The following SUSD4 variants were observed in gnomAD, a reference collection of about 807,000 sequenced individuals.
SUSD4 encodes sushi domain containing 4.
SUSD4 carries 41 observed loss-of-function variants against 50.5 expected under a neutral mutation model. That is an observed-to-expected ratio of 0.81 (90% confidence interval 0.63 to 1.05). The LOEUF (loss-of-function observed/expected upper bound fraction) is 1.05. SUSD4 is among the 50% of genes least tolerant of loss of function. The pLI is 0.00. For missense variants in SUSD4, 580 were observed against 634.7 expected, an observed-to-expected ratio of 0.91 and a Z score of 0.93; for synonymous variants, 257 against 257.3, an observed-to-expected ratio of 1.00 and a Z score of 0.01.
intron 5 of SUSD4, chr1:223,263,677 G>T (rs1320953734): frequency 1.0e-6 from 1 of 985,242 alleles, no homozygotes; most frequent in Non-Finnish European, 1.2e-6. Context: ...CATCCCTAGA[G>T]AGGCCGTCTC....
intron 5 of SUSD4, among the ~76,000 whole-genome samples, chr1:223,230,927 C>T (rs1553279785): frequency 6.6e-6 from 1 of 152,138 alleles, no homozygotes; most frequent in Non-Finnish European, 1.5e-5. Flanking sequence ...AGCTGACAAA[C>T]TGTGATTATT....
chr1:223,233,331 TG>T lies in SUSD4; in HGVS notation c.725-3944del, dbSNP rs1660012138. 4.6e-5 allele frequency among the ~76,000 whole-genome samples: 7 copies of T among 152,056 alleles called. No individual in the cohort carries two copies. In the South Asian group the frequency reaches 1.5e-3, roughly 32 times the overall value. On this transcript the variant is annotated intron_variant, in intron 5 of 8. Coordinates refer to ENST00000366878, the MANE Select transcript of SUSD4 (RefSeq NM_017982.4). ...CATGTGGTGTGGTGAGGGTAGGGGGTGGGAGCGTTTCTTTTAACTTGGAAGG... is the reference window on the plus strand; with the variant it reads ...CATGTGGTGTGGTGAGGGTAGGGGGTGGAGCGTTTCTTTTAACTTGGAAGG...
intron 3 of SUSD4, among the ~76,000 whole-genome samples, chr1:223,285,080 A>T (rs528372392): frequency 2.6e-5 from 4 of 152,356 alleles, no homozygotes; most frequent in Admixed American, 2.6e-4. Flanking sequence ...CCCTGATCTG[A>T]CCATTACACA....
chr1:223,240,495 C>G (rs1471837703), intron 5 of SUSD4, among the ~76,000 whole-genome samples: 1 of 151,462 alleles, frequency 6.6e-6, no homozygotes, highest in Non-Finnish European at 1.5e-5. Flanking sequence ...AGTCTTTGTT[C>G]TGTTTGCTTT....
chr1:223,264,884 C>T, intron 4 of SUSD4, 66 bp from the exon 5 acceptor site: 1 of 1,520,744 alleles, frequency 6.6e-7, no homozygotes, highest in Non-Finnish European at 8.9e-7. Flanking sequence ...AAAAGTCACA[C>T]AGAACACTGG....
At chr1:223,247,533 G>T (rs115975570) in intron 5 of SUSD4, among the ~76,000 whole-genome samples, 2 of 152,110 alleles carry the variant, frequency 1.3e-5, no homozygotes, top group Non-Finnish European at 2.9e-5. Flanking sequence ...TTACAGCAGC[G>T]GTCTACCATA....
chr1:223,308,732 C>CA (rs1665698943), intron 2 of SUSD4, among the ~76,000 whole-genome samples: 1 of 152,096 alleles, frequency 6.6e-6, no homozygotes, highest in Non-Finnish European at 1.5e-5. Flanking sequence ...CTCTGAGTGA[C>CA]AAGAGGGAGT....
chr1:223,302,001 G>A (rs1166633648), intron 2 of SUSD4, among the ~76,000 whole-genome samples: 3 of 152,164 alleles, frequency 2.0e-5, no homozygotes, highest in Non-Finnish European at 2.9e-5. Context: ...TGTTAGAGGT[G>A]GGGCCTGGTG....
At chr1:223,283,306 G>A (rs1470317643) in intron 3 of SUSD4, among the ~76,000 whole-genome samples, 16 of 152,080 alleles carry the variant, frequency 1.1e-4, no homozygotes, top group Non-Finnish European at 2.4e-4. Context: ...CCTACAGAAT[G>A]GGAGAAAATT....
At chr1:223,331,101 C>G (rs1189746746) in intron 2 of SUSD4, among the ~76,000 whole-genome samples, 2 of 152,214 alleles carry the variant, frequency 1.3e-5, no homozygotes, top group African/African-American at 4.8e-5. Flanking sequence ...TACCCAAGCC[C>G]TTCAGTGCAT....
intron 2 of SUSD4, among the ~76,000 whole-genome samples, chr1:223,335,360 G>A (rs756327648): frequency 6.6e-6 from 1 of 152,072 alleles, no homozygotes; most frequent in African/African-American, 2.4e-5. Flanking sequence ...GTGTTCTGAC[G>A]GAAATGATTT....
rs77459038 is a variant in SUSD4, at chr1:223,263,528, G to A, written c.724+1102C>T. 3.5e-3 allele frequency: 3,473 copies of A among 984,304 alleles called. 16 individuals are homozygous for A. The highest frequency in any genetic ancestry group is 0.034 in the East Asian group (296 of 8,784). The allele number at this position is 984,304 out of a possible 1,614,324, so 61.0% of individuals were successfully genotyped here. A position where few individuals can be genotyped will look rare whatever the true frequency, so the allele number is the denominator to read the frequency against. ...TCCCTGGGGGATTTGCGATGGGTGG[G>A]AAGTGGAGTGAGGGGAGTTCTAATG... On this transcript the variant is annotated intron_variant, in intron 5 of 8. Coordinates refer to ENST00000366878, the MANE Select transcript of SUSD4 (RefSeq NM_017982.4).
chr1:223,331,188 A>G (rs1391216770), intron 2 of SUSD4, among the ~76,000 whole-genome samples: 1 of 152,234 alleles, frequency 6.6e-6, no homozygotes, highest in Non-Finnish European at 1.5e-5. Flanking sequence ...TGACGGAATT[A>G]GCAATCATAA....
intron 5 of SUSD4, chr1:223,234,945 A>G (rs774817138): frequency 1.9e-6 from 3 of 1,571,506 alleles, no homozygotes; most frequent in Non-Finnish European, 2.6e-6. Flanking sequence ...TTGCAGGAGA[A>G]CAACATTTAG....
At chr1:223,260,782 C>A (rs373338135) in intron 5 of SUSD4, among the ~76,000 whole-genome samples, 1 of 152,192 alleles carries the variant, frequency 6.6e-6, no homozygotes, top group African/African-American at 2.4e-5. Context: ...TTAAAACATG[C>A]GACCCACATC....
At chr1:223,322,483 T>C (rs575455397) in intron 2 of SUSD4, among the ~76,000 whole-genome samples, 2 of 152,304 alleles carry the variant, frequency 1.3e-5, no homozygotes, top group East Asian at 3.9e-4. Flanking sequence ...TTTAGGACAT[T>C]GTGCCAGGTG....
intron 5 of SUSD4, among the ~76,000 whole-genome samples, chr1:223,262,639 TC>T (rs1175057748): frequency 6.6e-6 from 1 of 152,156 alleles, no homozygotes; most frequent in Non-Finnish European, 1.5e-5. Flanking sequence ...TTCTATCAAG[TC>T]TTGAAAGAAA....
At chr1:223,278,280 G>A (rs1420290755) in intron 3 of SUSD4, among the ~76,000 whole-genome samples, 2 of 152,208 alleles carry the variant, frequency 1.3e-5, no homozygotes, top group African/African-American at 4.8e-5. Context: ...ACCTCACCCA[G>A]GAAGCACAAG....
At chr1:223,337,729 C>A (rs1404239501) in intron 2 of SUSD4, among the ~76,000 whole-genome samples, 1 of 152,204 alleles carries the variant, frequency 6.6e-6, no homozygotes, top group East Asian at 1.9e-4. Flanking sequence ...ACTACATGGT[C>A]AGTTTACAGA....
Sources: gnomAD v4.1 joint callset for allele counts (sites outside exome capture counted in the v4.1 genomes callset) on GRCh38, gnomAD v4.1.1 for gene constraint, MANE v1.5 for transcripts, NCBI Gene and HGNC (gene_info 2026-07-23, HGNC 2026-07-21) for gene names.